TRABD2B: variants seen among roughly 807,000 people sequenced by gnomAD.
TRABD2B encodes the protein TraB domain containing 2B.
Under a neutral mutation model 40.1 loss-of-function variants are expected in TRABD2B, and 14 were observed. That is an observed-to-expected ratio of 0.35 (90% CI 0.23 to 0.55). The LOEUF is 0.55. TRABD2B is among the 20% of genes least tolerant of loss of function. The probability of loss-of-function intolerance (pLI) is 0.90; values close to 1 mark genes in which losing one functional copy is unlikely to be tolerated. For synonymous variants in TRABD2B, 263 were observed against 277.0 expected, an observed-to-expected ratio of 0.95 and a Z score of 0.50; for missense variants, 541 against 648.6, an observed-to-expected ratio of 0.83 and a Z score of 1.80.
chr1:47,896,731 C>T (rs1198639808), intron 2 of TRABD2B, among the ~76,000 whole-genome samples: 3 of 152,178 alleles, frequency 2.0e-5, no homozygotes, highest in Non-Finnish European at 4.4e-5. Flanking sequence ...TCCGACTGGC[C>T]TGGGTTCTGA....
intron 2 of TRABD2B, among the ~76,000 whole-genome samples, chr1:47,880,902 T>C (rs1250073535): frequency 6.6e-6 from 1 of 152,238 alleles, no homozygotes; most frequent in Non-Finnish European, 1.5e-5. Context: ...GAGGGTACTG[T>C]TCATTGGGGG....
At chr1:47,811,000 G>A (rs538853465) in intron 2 of TRABD2B, among the ~76,000 whole-genome samples, 2 of 152,236 alleles carry the variant, frequency 1.3e-5, no homozygotes, top group Admixed American at 6.5e-5. Context: ...GGCAGGGAGA[G>A]CAGAAAGTGG....
At chr1:47,836,878 C>G (rs1300926230) in intron 2 of TRABD2B, among the ~76,000 whole-genome samples, 2 of 152,168 alleles carry the variant, frequency 1.3e-5, no homozygotes, top group South Asian at 4.1e-4. Flanking sequence ...TATGCTGGTG[C>G]CTTGATCTTG....
chr1:47,930,070 G>A (rs903348881), intron 2 of TRABD2B, among the ~76,000 whole-genome samples: 9 of 152,156 alleles, frequency 5.9e-5, no homozygotes, highest in African/African-American at 9.7e-5. Context: ...TGGCTCCCCA[G>A]GCCCAGCCAG....
intron 2 of TRABD2B, among the ~76,000 whole-genome samples, chr1:47,848,122 G>C (rs964376330): frequency 3.9e-5 from 6 of 152,204 alleles, no homozygotes; most frequent in Non-Finnish European, 8.8e-5. Context: ...CCAGCCCCTA[G>C]ACTAGAGAAA....
intron 2 of TRABD2B, among the ~76,000 whole-genome samples, chr1:47,991,327 C>T (rs1268771128): frequency 6.6e-6 from 1 of 152,130 alleles, no homozygotes; most frequent in Non-Finnish European, 1.5e-5. Flanking sequence ...TTAGAATCAT[C>T]CTATGGAATG....
chr1:47,965,861 T>C (rs1490467136), intron 2 of TRABD2B, among the ~76,000 whole-genome samples: 1 of 152,126 alleles, frequency 6.6e-6, no homozygotes, highest in Non-Finnish European at 1.5e-5. Flanking sequence ...CCATGGAGAA[T>C]AGAGCAGGAA....
In TRABD2B at chr1:47,778,504, C is replaced by T; in HGVS notation, c.1029G>A (p.Arg343=). 6.5e-7 allele frequency: 1 copy of T among 1,536,162 alleles called. No homozygotes were observed. Among genetic ancestry groups the T allele is most frequent in the South Asian group, 1.2e-5 (1 of 84,066 alleles). ...LGNNTVIDIL[R]QAGLEVDHTP... ...TGTGGTCCACCTCCAGCCCTGCCTG[C>T]CGCAGGATGTCGATGACTGTGTTGT... Residue 343 remains arginine, a synonymous_variant, in exon 5 of 7, where the codon CGG becomes CGA. Transcript: ENST00000606738.
At chr1:47,802,330 C>T (rs1017890674) in intron 2 of TRABD2B, among the ~76,000 whole-genome samples, 1 of 152,182 alleles carries the variant, frequency 6.6e-6, no homozygotes, top group Admixed American at 6.5e-5. Flanking sequence ...ACTTCCTAAG[C>T]AGTCTGACCG....
chr1:47,778,591 G>A (rs527725965), intron 4 of TRABD2B, 47 bp from the exon 5 acceptor site: 144 of 1,407,494 alleles, frequency 1.0e-4, no homozygotes, highest in African/African-American at 6.9e-4. Context: ...CCAGGCCACC[G>A]GCCACAGGGG....
At chr1:47,840,672 G>GC (rs1055331800) in intron 2 of TRABD2B, among the ~76,000 whole-genome samples, 3 of 152,050 alleles carry the variant, frequency 2.0e-5, no homozygotes, top group Non-Finnish European at 2.9e-5. Flanking sequence ...TTGGAATCAG[G>GC]CCCCCCCAGG....
At chr1:47,841,966 G>A (rs766941544) in intron 2 of TRABD2B, among the ~76,000 whole-genome samples, 4 of 151,814 alleles carry the variant, frequency 2.6e-5, no homozygotes, top group Non-Finnish European at 5.9e-5. Flanking sequence ...TAGAGATGGG[G>A]TTTCACGACC....
chr1:47,861,541 C>G (rs1643970988), intron 2 of TRABD2B, among the ~76,000 whole-genome samples: 1 of 152,032 alleles, frequency 6.6e-6, no homozygotes, highest in Admixed American at 6.6e-5. Flanking sequence ...CTTGAAAGAC[C>G]CACAATCTGC....
chr1:47,994,902 T>C lies in TRABD2B; in HGVS notation c.103-305A>G, dbSNP rs960329909. 1.3e-5 allele frequency among the ~76,000 whole-genome samples: 2 copies of C among 152,120 alleles called. No homozygotes were observed. Among genetic ancestry groups the C allele is most frequent in the Non-Finnish European group, 2.9e-5 (2 of 68,030 alleles). On this transcript the variant is annotated intron_variant, in intron 1 of 6. Transcript: ENST00000606738. The surrounding 1 kb of genome is among the most constrained non-coding windows in gnomAD (Gnocchi z 6.7). ...AGGATTAAAAGATACAATATATGTA[T>C]ATTAAGCCCTCAGAGCAGTGCCAGG... is the stretch of plus-strand genomic sequence containing the variant.
intron 2 of TRABD2B, among the ~76,000 whole-genome samples, chr1:47,980,668 G>C (rs1386208995): frequency 6.6e-6 from 1 of 152,164 alleles, no homozygotes; most frequent in Non-Finnish European, 1.5e-5. Flanking sequence ...CAGCCATCTA[G>C]ACTGGTGGCA....
At chr1:47,919,866 G>A (rs1261637946) in intron 2 of TRABD2B, among the ~76,000 whole-genome samples, 3 of 152,210 alleles carry the variant, frequency 2.0e-5, no homozygotes, top group South Asian at 2.1e-4. Context: ...TGGTGCTGGG[G>A]CAGGAAAGAG....
intron 2 of TRABD2B, among the ~76,000 whole-genome samples, chr1:47,849,730 G>C (rs569478963): frequency 2.6e-5 from 4 of 152,298 alleles, no homozygotes; most frequent in African/African-American, 9.6e-5. Context: ...TAAGTGAGGG[G>C]ATGGGGTGCG....
chr1:47,854,523 C>T (rs1031369660), intron 2 of TRABD2B, among the ~76,000 whole-genome samples: 1 of 152,186 alleles, frequency 6.6e-6, no homozygotes, highest in Non-Finnish European at 1.5e-5. Flanking sequence ...TGCTAATTGC[C>T]TGGAATAAGT....
Position 47,996,207 on chromosome 1 carries a change from T to C in TRABD2B, c.102+481A>G, listed in dbSNP as rs1006604489. Among the ~76,000 whole-genome samples the C allele has an allele frequency of 2.0e-5, 3 of 151,740 alleles. No homozygotes were observed. The highest frequency in any genetic ancestry group is 7.3e-5 in the African/African-American group (3 of 41,280). On this transcript the variant is annotated intron_variant, in intron 1 of 6. Coordinates refer to ENST00000606738, the MANE Select transcript of TRABD2B (RefSeq NM_001194986.2). This position sits in a 1 kb window ranked among gnomAD's most constrained non-coding sequence, Gnocchi z 4.6. The stretch of plus-strand genomic sequence containing the variant: ...TGAGAACGAGGAACAGGGAGAAAGT[T>C]TGTCTTAGGTCAGAGTGGGAGGGCA...
Sources: gnomAD v4.1 joint callset for allele counts (sites outside exome capture counted in the v4.1 genomes callset) on GRCh38, gnomAD v4.1.1 for gene constraint, Gnocchi (gnomAD v3.1) non-coding constraint, MANE v1.5 for transcripts, NCBI Gene and HGNC (gene_info 2026-07-23, HGNC 2026-07-21) for gene names.